Variants in VSTM4 observed in about 807,000 individuals in gnomAD.
VSTM4 encodes V-set and transmembrane domain containing 4.
Under a neutral mutation model 36.4 loss-of-function variants are expected in VSTM4, and 20 were observed. The observed-to-expected ratio is 0.55, with a 90% confidence interval of 0.39 to 0.80. The LOEUF (loss-of-function observed/expected upper bound fraction) is 0.80, where lower values mean the gene tolerates loss of function less well. Among genes scored for constraint, VSTM4 ranks in the 30% least tolerant of loss-of-function variants. The probability of loss-of-function intolerance (pLI) is 0.00; values close to 1 mark genes in which losing one functional copy is unlikely to be tolerated. For synonymous variants in VSTM4, 182 were observed against 173.9 expected (o/e 1.05, Z -0.37); for missense variants, 392 against 404.5 (o/e 0.97, Z 0.26).
chr10:49,029,114 G>T (rs1308717407), intron 7 of VSTM4, among the ~76,000 whole-genome samples: 1 of 152,170 alleles, frequency 6.6e-6, no homozygotes, highest in Non-Finnish European at 1.5e-5. Context: ...TTGACAGAGG[G>T]TCTCCTCAAT....
chr10:49,114,581 TC>T (rs1844955069), intron 1 of VSTM4, among the ~76,000 whole-genome samples: 1 of 116,150 alleles, frequency 8.6e-6, no homozygotes, highest in African/African-American at 4.2e-5. Context: ...TTAACCAAGT[TC>T]ATGTTTTTTT....
chr10:49,051,525 A>G (rs750899383), intron 5 of VSTM4, among the ~76,000 whole-genome samples: 2 of 151,526 alleles, frequency 1.3e-5, no homozygotes, highest in Non-Finnish European at 2.9e-5. Flanking sequence ...CCTCCCGAGT[A>G]CCGGGGATTA....
At chr10:49,072,029 AAT>A (rs1245543826) in intron 4 of VSTM4, among the ~76,000 whole-genome samples, 4 of 152,206 alleles carry the variant, frequency 2.6e-5, no homozygotes, top group African/African-American at 9.6e-5. Flanking sequence ...TAAATGACAG[AAT>A]ATGTTATATT....
chr10:49,019,917 A>G, intron 7 of VSTM4, 142 bp from the exon 8 acceptor site: 1 of 1,036,880 alleles, frequency 9.6e-7, no homozygotes. Flanking sequence ...AAGAGGCTAC[A>G]TAATATCCAA....
At chr10:49,040,392 C>G (rs954863032) in intron 7 of VSTM4, among the ~76,000 whole-genome samples, 4 of 152,132 alleles carry the variant, frequency 2.6e-5, no homozygotes, top group African/African-American at 9.7e-5. Flanking sequence ...AAGCGATTCT[C>G]CTGCCTCAGC....
At chr10:49,080,046 T>C (rs1454340301) in intron 3 of VSTM4, among the ~76,000 whole-genome samples, 1 of 152,242 alleles carries the variant, frequency 6.6e-6, no homozygotes, top group Non-Finnish European at 1.5e-5. Flanking sequence ...AATCTCTTAC[T>C]ATTGGCTACT....
intron 4 of VSTM4, among the ~76,000 whole-genome samples, chr10:49,076,548 A>G (rs1427441975): frequency 6.6e-6 from 1 of 152,208 alleles, no homozygotes; most frequent in Non-Finnish European, 1.5e-5. Flanking sequence ...GAGGCTCTCA[A>G]AGGAGACCTC....
At chr10:49,103,976 G>T in intron 2 of VSTM4, 2 of 822,254 alleles carry the variant, frequency 2.4e-6, no homozygotes, top group Non-Finnish European at 3.8e-6. Flanking sequence ...CAAAGGTACG[G>T]ACCACAGAAC....
intron 2 of VSTM4, among the ~76,000 whole-genome samples, chr10:49,087,641 G>A (rs1276776684): frequency 6.6e-6 from 1 of 152,056 alleles, no homozygotes; most frequent in Non-Finnish European, 1.5e-5. Flanking sequence ...AAATCCTGGG[G>A]TATTTACCAC....
chr10:49,088,868 A>T (rs1844421669), intron 2 of VSTM4, among the ~76,000 whole-genome samples: 1 of 152,192 alleles, frequency 6.6e-6, no homozygotes, highest in African/African-American at 2.4e-5. Context: ...GAGGCCAAGG[A>T]TACCCATCAT....
intron 4 of VSTM4, among the ~76,000 whole-genome samples, chr10:49,076,645 G>C (rs781039805): frequency 2.0e-5 from 3 of 152,204 alleles, no homozygotes; most frequent in Non-Finnish European, 2.9e-5. Context: ...AGAGATATGA[G>C]AGTCATGAGA....
At chr10:49,062,742 G>A (rs1311907945) in intron 5 of VSTM4, among the ~76,000 whole-genome samples, 4 of 152,122 alleles carry the variant, frequency 2.6e-5, no homozygotes. Context: ...TAGAATGTTG[G>A]ATCTTTTGTC....
At chr10:49,063,015 A>G (rs1298567918) in intron 5 of VSTM4, among the ~76,000 whole-genome samples, 1 of 149,078 alleles carries the variant, frequency 6.7e-6, no homozygotes. Flanking sequence ...ATTTGAATTG[A>G]TGATTGAATC....
Position 49,088,612 on chromosome 10 carries a change from A to T in VSTM4, c.458-2589T>A, listed in dbSNP as rs534379909. Among the ~76,000 whole-genome samples the T allele has an allele frequency of 4.7e-4, 72 of 152,376 alleles. 1 individual carries two copies. Among genetic ancestry groups the T allele is most frequent in the Middle Eastern group, 6.8e-3 (2 of 294 alleles). ...GAGCGGAGCCTAGAACCTGCATAGC[A>T]GAGGGAAGATGAGAGGCCAAAGCTT... is the stretch of plus-strand genomic sequence containing the variant. On this transcript the variant is annotated intron_variant, in intron 2 of 7. Coordinates refer to ENST00000332853, the MANE Select transcript of VSTM4 (RefSeq NM_001031746.5).
chr10:49,025,540 C>T (rs1035584971), intron 7 of VSTM4, among the ~76,000 whole-genome samples: 22 of 152,204 alleles, frequency 1.4e-4, no homozygotes, highest in African/African-American at 3.6e-4. Context: ...GGCCAGGCCT[C>T]GGCCTTGACC....
Position 49,094,373 on chromosome 10 carries a change from A to G in VSTM4, c.458-8350T>C, listed in dbSNP as rs370239026. 2.5e-3 allele frequency among the ~76,000 whole-genome samples: 385 copies of G among 152,340 alleles called. 3 individuals are homozygous for G. The highest frequency in any genetic ancestry group is 8.6e-3 in the African/African-American group (359 of 41,588). ...GAAAGTCCAAAGATGATTCCTAACC[A>G]GAAGGTGATTCTTCTTAAACAGAAG... On this transcript the variant is annotated intron_variant, in intron 2 of 7. Coordinates refer to ENST00000332853, the MANE Select transcript of VSTM4 (RefSeq NM_001031746.5).
At chr10:49,067,658 T>A (rs1843997213) in intron 4 of VSTM4, among the ~76,000 whole-genome samples, 1 of 152,238 alleles carries the variant, frequency 6.6e-6, no homozygotes. Flanking sequence ...TGAATCCCGC[T>A]GACACCTTGA....
chr10:49,025,027 T>G (rs1843236400), intron 7 of VSTM4, among the ~76,000 whole-genome samples: 1 of 151,838 alleles, frequency 6.6e-6, no homozygotes. Flanking sequence ...TCTAAGAAGA[T>G]GAGGACACAC....
At chr10:49,033,157 G>A (rs1843373211) in intron 7 of VSTM4, among the ~76,000 whole-genome samples, 1 of 152,168 alleles carries the variant, frequency 6.6e-6, no homozygotes, top group East Asian at 1.9e-4. Context: ...AAATGGCCAA[G>A]AGTTGCATAC....
Sources: allele counts gnomAD v4.1 joint callset (sites outside exome capture counted in the v4.1 genomes callset), GRCh38; gene constraint gnomAD v4.1.1; transcripts MANE v1.5; gene names NCBI Gene and HGNC (gene_info 2026-07-23, HGNC 2026-07-21).